FSTL5: variants seen among roughly 807,000 people sequenced by gnomAD.
FSTL5 encodes follistatin-related protein 5.
FSTL5 carries 62 observed loss-of-function variants against 89.1 expected under a neutral mutation model. That is an observed-to-expected ratio of 0.70 (90% CI 0.57 to 0.86). FSTL5 has a LOEUF of 0.86. Ranked by LOEUF, FSTL5 falls within the 40% of genes least tolerant of loss-of-function variation. The pLI is 0.00. For missense variants in FSTL5, 1,057 were observed against 1,001.6 expected (o/e 1.06, Z -0.75); for synonymous variants, 383 against 346.2 (o/e 1.11, Z -1.18).
intron 4 of FSTL5, among the ~76,000 whole-genome samples, chr4:161,829,139 TTATATATA>T (rs56839306): frequency 1.4e-5 from 2 of 139,934 alleles, no homozygotes; most frequent in Admixed American, 7.3e-5. Context: ...CAGTCACATT[TTATATATA>T]TATATATATA....
chr4:161,521,485 A>T (rs748067264), intron 10 of FSTL5, among the ~76,000 whole-genome samples: 1 of 152,212 alleles, frequency 6.6e-6, no homozygotes, highest in Admixed American at 6.5e-5. Flanking sequence ...GAGAACCACA[A>T]TTTTTCTCCT....
chr4:161,609,920 T>A (rs1445443802), intron 7 of FSTL5, among the ~76,000 whole-genome samples: 1 of 152,146 alleles, frequency 6.6e-6, no homozygotes, highest in Admixed American at 6.6e-5. Context: ...CTGTCAATGC[T>A]CTGCTCACCA....
At chr4:162,079,647 T>C (rs1207874103) in intron 2 of FSTL5, among the ~76,000 whole-genome samples, 3 of 151,470 alleles carry the variant, frequency 2.0e-5, no homozygotes, top group Non-Finnish European at 4.4e-5. Flanking sequence ...CAGGGTAGGA[T>C]CAGAGCAACT....
At position 161,678,961 on chromosome 4, in the gene FSTL5, T is replaced by A. The variant is rs113320634; in HGVS notation, c.728-22467A>T. 1.8e-3 allele frequency among the ~76,000 whole-genome samples: 274 copies of A among 151,874 alleles called. 1 individual carries two copies. Among genetic ancestry groups the A allele is most frequent in the African/African-American group, 6.4e-3 (265 of 41,544 alleles). Reference sequence around the variant, plus strand: ...CATTAAAAACAAACAATGGTAAGTATAATAGCAAAAATGTATTAAACACTA... The same window carrying A: ...CATTAAAAACAAACAATGGTAAGTAAAATAGCAAAAATGTATTAAACACTA... On this transcript the variant is annotated intron_variant, in intron 6 of 15. Coordinates refer to ENST00000306100, the MANE Select transcript of FSTL5 (RefSeq NM_020116.5).
chr4:161,452,918 G>A (rs974300994), intron 15 of FSTL5, among the ~76,000 whole-genome samples: 6 of 152,064 alleles, frequency 3.9e-5, no homozygotes, highest in Non-Finnish European at 8.8e-5. Context: ...ATAAATGTGT[G>A]CCTTATAGTT....
At chr4:162,082,815 T>G (rs1730153810) in intron 2 of FSTL5, among the ~76,000 whole-genome samples, 1 of 132,654 alleles carries the variant, frequency 7.5e-6, no homozygotes, top group African/African-American at 2.6e-5. Context: ...AACTTTTTCT[T>G]TTCTCTTTTT....
At chr4:161,940,003 C>G (rs1319671374) in intron 3 of FSTL5, among the ~76,000 whole-genome samples, 2 of 151,834 alleles carry the variant, frequency 1.3e-5, no homozygotes, top group African/African-American at 4.8e-5. Context: ...AGCACTCCCC[C>G]TTTCCCAGCT....
chr4:161,413,392 A>C (rs752104477), intron 15 of FSTL5, among the ~76,000 whole-genome samples: 2 of 152,110 alleles, frequency 1.3e-5, no homozygotes, highest in African/African-American at 2.4e-5. Context: ...AAGACCAGTC[A>C]GAATGGCCAT....
rs530288184 is a variant in FSTL5 at position 162,117,732 on chromosome 4, T to C, written c.-16-6320A>G. Among the ~76,000 whole-genome samples the C allele has an allele frequency of 6.6e-5, 10 of 152,330 alleles. No individual in the cohort carries two copies. The East Asian group carries it at 1.5e-3, about 23-fold the overall frequency. The stretch of plus-strand genomic sequence containing the variant: ...GCTACCTGGCTATTGGCTTGTTTAT[T>C]CTCTGTATCCAACCACAAAGTTAAC... On this transcript the variant is annotated intron_variant, in intron 1 of 15. Coordinates refer to ENST00000306100, the MANE Select transcript of FSTL5 (RefSeq NM_020116.5).
chr4:162,000,076 G>A (rs1373893600), intron 3 of FSTL5, among the ~76,000 whole-genome samples: 2 of 152,138 alleles, frequency 1.3e-5, no homozygotes, highest in African/African-American at 2.4e-5. Context: ...GGGCTATCAG[G>A]AGAAAAGATG....
At chr4:162,094,525 C>T (rs1730672922) in intron 2 of FSTL5, among the ~76,000 whole-genome samples, 1 of 152,032 alleles carries the variant, frequency 6.6e-6, no homozygotes, top group Non-Finnish European at 1.5e-5. Context: ...TAATGGGCCA[C>T]TGCAGAGTAA....
chr4:162,030,209 C>T (rs1737468319), intron 3 of FSTL5, among the ~76,000 whole-genome samples: 1 of 152,012 alleles, frequency 6.6e-6, no homozygotes, highest in Admixed American at 6.6e-5. Flanking sequence ...TGTGAGCCAC[C>T]ATGCCTGGTC....
chr4:161,724,634 T>C (rs904209769), intron 6 of FSTL5, among the ~76,000 whole-genome samples: 11 of 152,210 alleles, frequency 7.2e-5, no homozygotes, highest in African/African-American at 2.7e-4. Context: ...CTGAATGCAA[T>C]AGAAAGACAA....
In FSTL5 at chr4:162,039,913, C is replaced by A. The variant is rs139625785; in HGVS notation, c.127-6255G>T. Among the ~76,000 whole-genome samples the A allele has an allele frequency of 2.3e-3, 344 of 152,000 alleles. 9 individuals carry two copies. The East Asian group carries it at 0.06, about 26-fold the overall frequency. On this transcript the variant is annotated intron_variant, in intron 2 of 15. Coordinates refer to ENST00000306100, the MANE Select transcript of FSTL5 (RefSeq NM_020116.5). ...CTGATGATATAATTCACCAAAGTGT[C>A]CTTATGTATATATACTTCAGTGCTT...
At chr4:162,050,953 A>C in intron 2 of FSTL5, among the ~76,000 whole-genome samples, 1 of 151,636 alleles carries the variant, frequency 6.6e-6, no homozygotes, top group Non-Finnish European at 1.5e-5. Context: ...GGAGAGAAAT[A>C]AAACCTAATG....
At chr4:161,523,680 T>G (rs1731109618) in intron 10 of FSTL5, among the ~76,000 whole-genome samples, 1 of 152,174 alleles carries the variant, frequency 6.6e-6, no homozygotes. Context: ...CATGGTGAAG[T>G]GAGTTTCCAC....
rs140174738 is a variant in FSTL5, at chr4:161,569,750, AACACACAAACACACACAC to A, written c.1015+17687_1015+17704del. 3.4e-3 allele frequency among the ~76,000 whole-genome samples: 349 copies of A among 103,348 alleles called. 2 individuals carry two copies. Among genetic ancestry groups the A allele is most frequent in the Middle Eastern group, 0.011 (2 of 188 alleles). 67.8% of individuals were successfully genotyped at this position (103,348 alleles called of 152,430 possible). A position where few individuals can be genotyped will look rare whatever the true frequency, so the allele number is the denominator to read the frequency against. On this transcript the variant is annotated intron_variant, in intron 8 of 15. Coordinates refer to ENST00000306100, the MANE Select transcript of FSTL5 (RefSeq NM_020116.5). ...AAAGGAAAATGAGATCTTTAAGTCC[AACACACAAACACACACAC>A]ACACACACACACACACACACACACA...
At chr4:161,458,104 C>A (rs576165822) in intron 14 of FSTL5, among the ~76,000 whole-genome samples, 30 of 152,268 alleles carry the variant, frequency 2.0e-4, no homozygotes, top group Non-Finnish European at 3.5e-4. Flanking sequence ...CATCACCATG[C>A]GACAGACATG....
chr4:161,752,825 G>A (rs1740443471), intron 6 of FSTL5, among the ~76,000 whole-genome samples: 1 of 152,112 alleles, frequency 6.6e-6, no homozygotes, highest in African/African-American at 2.4e-5. Flanking sequence ...GGTCTTTAGG[G>A]TGGGTCCTAA....
Sources: allele counts gnomAD v4.1 joint callset (sites outside exome capture counted in the v4.1 genomes callset), GRCh38; gene constraint gnomAD v4.1.1; transcripts MANE v1.5; gene names NCBI Gene and HGNC (gene_info 2026-07-23, HGNC 2026-07-21).